The following ADGRG2 variants were observed in gnomAD, a reference collection of about 807,000 sequenced individuals.
ADGRG2 encodes the protein adhesion G protein-coupled receptor G2.
ADGRG2 carries 26 observed loss-of-function variants against 74.1 expected under a neutral mutation model. The observed-to-expected ratio is 0.35, with a 90% CI of 0.26 to 0.49. The LOEUF (loss-of-function observed/expected upper bound fraction) is 0.49, where lower values mean the gene tolerates loss of function less well. ADGRG2 is among the 20% of genes least tolerant of loss of function. The pLI is 0.99. For synonymous variants in ADGRG2, 296 were observed against 295.2 expected, an observed-to-expected ratio of 1.00 and a Z score of -0.03; for missense variants, 619 against 763.1, an observed-to-expected ratio of 0.81 and a Z score of 2.22.
intron 15 of ADGRG2, among the ~76,000 whole-genome samples, chrX:19,016,190 T>A (rs1340591731): frequency 8.9e-6 from 1 of 112,567 alleles, no homozygotes; most frequent in Non-Finnish European, 1.9e-5. Flanking sequence ...GTAGCCTGCA[T>A]AAAGTGTACT....
chrX:19,069,522 T>C (rs970182779), intron 2 of ADGRG2, among the ~76,000 whole-genome samples: 1 of 111,015 alleles, frequency 9.0e-6, no homozygotes, highest in Non-Finnish European at 1.9e-5. Context: ...AGAACATGCA[T>C]TCTCATTTCC....
intron 9 of ADGRG2, among the ~76,000 whole-genome samples, chrX:19,029,505 C>T (rs1184120263): frequency 9.0e-6 from 1 of 110,944 alleles, no homozygotes; most frequent in South Asian, 3.8e-4. Flanking sequence ...CCTTAATGAA[C>T]CCAGATTGGA....
At chrX:19,037,709 T>G in intron 4 of ADGRG2, 73 bp from the exon 5 acceptor site, 1 of 754,572 alleles carries the variant, frequency 1.3e-6, no homozygotes, top group African/African-American at 2.1e-5. Flanking sequence ...TTAAAACTTT[T>G]GAGATATAAT....
chrX:19,079,914 G>GTT (rs5901654), intron 2 of ADGRG2, among the ~76,000 whole-genome samples: 1 of 96,212 alleles, frequency 1.0e-5, no homozygotes. Context: ...TTTGGTTTTT[G>GTT]TTTTTTTTTT....
rs138136251 is a variant in ADGRG2, at chrX:19,020,088, T to C, written c.644-423A>G. On this transcript the variant is annotated intron_variant, in intron 14 of 28. Transcript: ENST00000379869. ...TTACTGGGGGTCAGAGGCAGAGGGATTGGGGAGATGTTGGACAAAGGACAC... is the reference window on the plus strand; with the variant it reads ...TTACTGGGGGTCAGAGGCAGAGGGACTGGGGAGATGTTGGACAAAGGACAC... 7.1e-3 allele frequency among the ~76,000 whole-genome samples: 784 copies of C among 110,897 alleles called. 1 individual carries two copies. The highest frequency in any genetic ancestry group is 0.015 in the South Asian group (40 of 2,599).
chrX:19,094,987 G>A lies in ADGRG2; in HGVS notation c.-46-12241C>T, dbSNP rs148354104. Among the ~76,000 whole-genome samples, 465 of 111,958 alleles carry A rather than the reference G, an allele frequency of 4.2e-3. 1 individual carries two copies. The highest frequency in any genetic ancestry group is 0.014 in the African/African-American group (425 of 30,867). On this transcript the variant is annotated intron_variant, in intron 1 of 28. Coordinates refer to ENST00000379869, the MANE Select transcript of ADGRG2 (RefSeq NM_001079858.3). Reference sequence around the variant, plus strand: ...TGCAGTGTGTTTTTCCAAGAGACCCGGCAAACAGCAACTTGACAGGTTCAA... The same window carrying A: ...TGCAGTGTGTTTTTCCAAGAGACCCAGCAAACAGCAACTTGACAGGTTCAA...
chrX:19,039,116 G>A (rs2061003497), intron 4 of ADGRG2: 2 of 283,448 alleles, frequency 7.1e-6, no homozygotes, highest in Admixed American at 8.0e-5. Context: ...CTAATTTACA[G>A]GAGAGGAAAC....
At chrX:19,031,228 C>T (rs759558268) in intron 8 of ADGRG2, 191 bp from the exon 9 acceptor site, 95 of 421,476 alleles carry the variant, frequency 2.3e-4, no homozygotes, top group South Asian at 9.4e-4. Context: ...TTGTCAGCTA[C>T]GGAACTTAAT....
At chrX:19,101,766 C>A (rs1217238824) in intron 1 of ADGRG2, among the ~76,000 whole-genome samples, 1 of 110,675 alleles carries the variant, frequency 9.0e-6, no homozygotes, top group Non-Finnish European at 1.9e-5. Flanking sequence ...CCTTTATGCA[C>A]TTTTGAAAAC....
intron 1 of ADGRG2, among the ~76,000 whole-genome samples, chrX:19,090,764 T>C (rs1305325933): frequency 9.0e-6 from 1 of 111,609 alleles, no homozygotes; most frequent in Non-Finnish European, 1.9e-5. Flanking sequence ...AGAACCTATT[T>C]GTTTGTGGTT....
chrX:19,048,915 C>G (rs1236374540), intron 3 of ADGRG2, among the ~76,000 whole-genome samples: 1 of 112,056 alleles, frequency 8.9e-6, no homozygotes, highest in African/African-American at 3.2e-5. Flanking sequence ...GGGAGGCCGA[C>G]TCACCTTTAT....
intron 11 of ADGRG2, among the ~76,000 whole-genome samples, chrX:19,024,403 C>T (rs1250493216): frequency 9.0e-6 from 1 of 111,618 alleles, no homozygotes; most frequent in Non-Finnish European, 1.9e-5. Context: ...TTCCCCTCCT[C>T]ACAACTCCCC....
chrX:19,017,521 G>A (rs991152071), intron 15 of ADGRG2, among the ~76,000 whole-genome samples: 1 of 111,823 alleles, frequency 8.9e-6, no homozygotes, highest in Non-Finnish European at 1.9e-5. Context: ...CTTCTGATCC[G>A]ATCCCAATGC....
At chrX:19,049,438 G>GTTTTTTTTTTTTT (rs752686975) in intron 3 of ADGRG2, among the ~76,000 whole-genome samples, 40 of 82,117 alleles carry the variant, frequency 4.9e-4, no homozygotes, top group African/African-American at 6.3e-4. Flanking sequence ...CGTTTTTTGT[G>GTTTTTTTTTTTTT]TTTTTTTTTT....
chrX:19,106,789 G>A (rs1475563916), intron 1 of ADGRG2, among the ~76,000 whole-genome samples: 2 of 109,253 alleles, frequency 1.8e-5, no homozygotes, highest in African/African-American at 3.3e-5. Context: ...CGGTGGTGGC[G>A]GGCACCTACA....
chrX:19,106,094 C>T (rs2062286134), intron 1 of ADGRG2, among the ~76,000 whole-genome samples: 2 of 110,768 alleles, frequency 1.8e-5, no homozygotes, highest in South Asian at 7.7e-4. Context: ...AGCCAGTCAC[C>T]ACTGGGGGCA....
intron 11 of ADGRG2, among the ~76,000 whole-genome samples, chrX:19,026,495 CTTT>C (rs781304544): frequency 2.1e-5 from 2 of 95,021 alleles, no homozygotes; most frequent in Admixed American, 1.1e-4. Flanking sequence ...ACTGGGGGCA[CTTT>C]TTTTTTTTTT....
chrX:19,074,330 C>T (rs1038105568), intron 2 of ADGRG2, among the ~76,000 whole-genome samples: 2 of 111,234 alleles, frequency 1.8e-5, no homozygotes, highest in Non-Finnish European at 3.8e-5. Flanking sequence ...GCCTCAACCT[C>T]GTGGGCTCAA....
intron 3 of ADGRG2, among the ~76,000 whole-genome samples, chrX:19,049,916 G>T (rs1409237756): frequency 9.0e-6 from 1 of 111,725 alleles, no homozygotes; most frequent in Non-Finnish European, 1.9e-5. Context: ...AGTTTTAAGT[G>T]CAGAAGTGCC....
Sources: allele counts gnomAD v4.1 joint callset (sites outside exome capture counted in the v4.1 genomes callset), GRCh38; gene constraint gnomAD v4.1.1; transcripts MANE v1.5; gene names NCBI Gene and HGNC (gene_info 2026-07-23, HGNC 2026-07-21).